The following WDR35 variants were observed in gnomAD, a reference collection of about 807,000 sequenced individuals.
WDR35 encodes WD repeat-containing protein 35.
WDR35 carries 118 observed loss-of-function variants against 158.3 expected under a neutral mutation model. The ratio of observed to expected loss-of-function variants is 0.75; its 90% CI spans 0.64 to 0.87. The LOEUF is 0.87. WDR35 is among the 40% of genes least tolerant of loss of function. The pLI is 0.00. For synonymous variants in WDR35, 448 were observed against 476.1 expected (o/e 0.94, Z 0.77); for missense variants, 1,263 against 1,405.8 (o/e 0.90, Z 1.62).
At chr2:19,961,739 G>A (rs1671667438) in intron 10 of WDR35, among the ~76,000 whole-genome samples, 2 of 152,090 alleles carry the variant, frequency 1.3e-5, no homozygotes, top group African/African-American at 4.8e-5. Context: ...CTTTCTGAAG[G>A]GCCAAAGGAC....
chr2:19,943,245 A>G (rs561306950), intron 16 of WDR35, among the ~76,000 whole-genome samples: 98 of 152,286 alleles, frequency 6.4e-4, no homozygotes, highest in African/African-American at 2.1e-3. Flanking sequence ...AGATTCTTGT[A>G]TCAGTCACAT....
At chr2:19,974,333 C>A in intron 7 of WDR35, 135 bp downstream of exon 7, 1 of 864,222 alleles carries the variant, frequency 1.2e-6, no homozygotes, top group Non-Finnish European at 1.7e-6. Flanking sequence ...CGCTTGAACC[C>A]GGGAGGCAGA....
intron 5 of WDR35, 134 bp from the exon 6 acceptor site, chr2:19,975,797 A>C (rs1331677046): frequency 8.5e-7 from 1 of 1,173,038 alleles, no homozygotes; most frequent in Non-Finnish European, 1.2e-6. Flanking sequence ...TTGGCCAATA[A>C]ATATTTACTG....
intron 20 of WDR35, 87 bp downstream of exon 20, chr2:19,936,132 T>C: frequency 6.3e-7 from 1 of 1,579,410 alleles, no homozygotes; most frequent in Non-Finnish European, 8.6e-7. Flanking sequence ...ATGATCTTCA[T>C]TTCCCCAGGA....
intron 25 of WDR35, among the ~76,000 whole-genome samples, chr2:19,917,149 G>A (rs567438858): frequency 6.6e-6 from 1 of 152,206 alleles, no homozygotes; most frequent in South Asian, 2.1e-4. Context: ...CTGGAGAGGG[G>A]CCTGACTGTT....
chr2:19,927,101 C>T (rs1173480054), intron 25 of WDR35, among the ~76,000 whole-genome samples: 1 of 152,178 alleles, frequency 6.6e-6, no homozygotes, highest in African/African-American at 2.4e-5. Context: ...GCTGTTATCA[C>T]CACTGCTATG....
At chr2:19,935,908 G>A (rs942079321) in intron 20 of WDR35, among the ~76,000 whole-genome samples, 29 of 151,984 alleles carry the variant, frequency 1.9e-4, no homozygotes, top group African/African-American at 6.5e-4. Flanking sequence ...ATATAATAAA[G>A]CAAATAAAAA....
chr2:19,933,553 G>A (rs752666433), intron 21 of WDR35, 42 bp from the exon 22 acceptor site: 4 of 1,524,326 alleles, frequency 2.6e-6, no homozygotes, highest in Middle Eastern at 1.7e-4. Flanking sequence ...ACAGACCAAG[G>A]AAATTACTTA....
intron 15 of WDR35, 120 bp from the exon 16 acceptor site, chr2:19,946,116 T>C (rs1671044292): frequency 1.1e-5 from 12 of 1,062,994 alleles, no homozygotes; most frequent in Non-Finnish European, 1.5e-5. Context: ...TGGAATACAG[T>C]AGAAATGGCT....
At position 19,957,882 on chromosome 2, in the gene WDR35, T is replaced by C. The variant is rs535468081; in HGVS notation, c.1255+2672A>G. Among the ~76,000 whole-genome samples the C allele has an allele frequency of 2.0e-5, 3 of 152,336 alleles. No homozygotes were observed. In the South Asian group the frequency reaches 6.2e-4, roughly 32 times the overall value. ...AAAAAAGTTTTTAAGAAAATAATTA[T>C]GCTTTCATTAACTGAACTTTGTAAT... On this transcript the variant is annotated intron_variant, in intron 11 of 26. Coordinates refer to ENST00000281405, the MANE Select transcript of WDR35 (RefSeq NM_020779.4).
chr2:19,988,776 C>T (rs1009342138), intron 2 of WDR35, among the ~76,000 whole-genome samples: 1 of 152,080 alleles, frequency 6.6e-6, no homozygotes, highest in Non-Finnish European at 1.5e-5. Flanking sequence ...AGGTGAATAA[C>T]CATTAATGCA....
rs145176370 is a variant in WDR35 at position 19,930,581 on chromosome 2, G to A, written c.2965-29C>T. 22,093 of 1,613,300 alleles carry A rather than the reference G, an allele frequency of 0.014. 182 individuals carry two copies. Among genetic ancestry groups the A allele is most frequent in the Non-Finnish European group, 0.016 (19,254 of 1,179,930 alleles). Reference sequence around the variant, plus strand: ...CGAGTAAAGTCAGCCCACACTTTCCGTCAGCACAAACGCACACACAGTGTC... The same window carrying A: ...CGAGTAAAGTCAGCCCACACTTTCCATCAGCACAAACGCACACACAGTGTC... On this transcript the variant is annotated intron_variant, in intron 24 of 26. Transcript: ENST00000281405.
In WDR35 at chr2:19,969,615, A is replaced by G. The variant is rs1159661595; in HGVS notation, c.883-10T>C. 3 of 1,613,292 alleles carry G rather than the reference A, an allele frequency of 1.9e-6. No individual in the cohort carries two copies. The highest frequency in any genetic ancestry group is 1.3e-5 in the African/African-American group (1 of 75,058). On this transcript the variant is annotated splice_polypyrimidine_tract_variant and intron_variant, in intron 8 of 26. Coordinates refer to ENST00000281405, the MANE Select transcript of WDR35 (RefSeq NM_020779.4). Reference sequence around the variant, plus strand: ...TCAAAGTACCCAGATGCTGAAAAAGAAAGTTATCTTTAACCTAAAGTATAA... The same window carrying G: ...TCAAAGTACCCAGATGCTGAAAAAGGAAGTTATCTTTAACCTAAAGTATAA...
chr2:19,943,492 T>A (rs969204181), intron 16 of WDR35, among the ~76,000 whole-genome samples: 5 of 152,164 alleles, frequency 3.3e-5, no homozygotes, highest in African/African-American at 1.2e-4. Context: ...ATTTTTCTCA[T>A]TCTTTTAAAA....
intron 10 of WDR35, among the ~76,000 whole-genome samples, chr2:19,962,727 TA>T (rs1004779353): frequency 6.6e-5 from 10 of 150,658 alleles, no homozygotes; most frequent in Admixed American, 1.3e-4. Flanking sequence ...CCATAACATT[TA>T]AAAAAAAATA....
intron 25 of WDR35, among the ~76,000 whole-genome samples, chr2:19,925,438 T>A (rs1019746605): frequency 9.2e-5 from 14 of 152,200 alleles, no homozygotes; most frequent in Non-Finnish European, 1.8e-4. Flanking sequence ...TAAATCAAAT[T>A]ACTGATAAAC....
chr2:19,926,078 G>A (rs1031908761), intron 25 of WDR35, among the ~76,000 whole-genome samples: 1 of 152,128 alleles, frequency 6.6e-6, no homozygotes, highest in Admixed American at 6.5e-5. Context: ...TCCAGTTTGC[G>A]TAATTAAGAA....
At chr2:19,940,594 G>A (rs1048061351) in intron 17 of WDR35, among the ~76,000 whole-genome samples, 1 of 152,074 alleles carries the variant, frequency 6.6e-6, no homozygotes, top group African/African-American at 2.4e-5. Context: ...ATTTTTGATG[G>A]TTGGCTGCTG....
chr2:19,936,473 A>T, intron 19 of WDR35, 108 bp from the exon 20 acceptor site: 2 of 1,488,332 alleles, frequency 1.3e-6, no homozygotes, highest in Non-Finnish European at 9.3e-7. Flanking sequence ...ACAGCAGTGG[A>T]CAATGTGACT....
Sources: gnomAD v4.1 joint callset for allele counts (sites outside exome capture counted in the v4.1 genomes callset) on GRCh38, gnomAD v4.1.1 for gene constraint, MANE v1.5 for transcripts, NCBI Gene and HGNC (gene_info 2026-07-23, HGNC 2026-07-21) for gene names.